The following BTC variants were observed in gnomAD, a reference collection of about 807,000 sequenced individuals.
The protein encoded by BTC is probetacellulin.
A neutral mutation model predicts 18.1 loss-of-function variants in BTC; 13 were observed. The ratio of observed to expected loss-of-function variants is 0.72; its 90% CI spans 0.47 to 1.14. The LOEUF (loss-of-function observed/expected upper bound fraction) is 1.14. Among genes scored for constraint, BTC ranks in the 50% most tolerant of loss-of-function variants. The pLI, the probability that BTC is intolerant of heterozygous loss-of-function variation, is 0.00. For synonymous variants in BTC, 83 were observed against 79.4 expected (o/e 1.05, Z -0.24); for missense variants, 247 against 224.2 (o/e 1.10, Z -0.65).
chr4:74,783,700 A>T (rs1417133502), intron 1 of BTC, among the ~76,000 whole-genome samples: 1 of 150,968 alleles, frequency 6.6e-6, no homozygotes, highest in African/African-American at 2.4e-5. Context: ...TATAAATTAC[A>T]CTGGGCAGCA....
chr4:74,753,463 A>G (rs1380158967), intron 3 of BTC, among the ~76,000 whole-genome samples: 1 of 152,246 alleles, frequency 6.6e-6, no homozygotes, highest in Non-Finnish European at 1.5e-5. Flanking sequence ...TGCTGCATGT[A>G]TAAATAAAAA....
chr4:74,791,459 T>A (rs1012963540), intron 1 of BTC, among the ~76,000 whole-genome samples: 3 of 152,250 alleles, frequency 2.0e-5, no homozygotes, highest in Non-Finnish European at 4.4e-5. Context: ...TTCTACTGAC[T>A]TAGAAAATGC....
chr4:74,750,330 T>G, intron 4 of BTC, among the ~76,000 whole-genome samples: 1 of 152,194 alleles, frequency 6.6e-6, no homozygotes, highest in East Asian at 1.9e-4. Flanking sequence ...AATAGAAGTC[T>G]TATGTAGCCT....
intron 1 of BTC, among the ~76,000 whole-genome samples, chr4:74,774,534 A>G (rs907967619): frequency 6.6e-6 from 1 of 152,178 alleles, no homozygotes; most frequent in African/African-American, 2.4e-5. Flanking sequence ...TTTATTAAAA[A>G]CATAACTGAT....
At chr4:74,779,500 G>A (rs974533982) in intron 1 of BTC, among the ~76,000 whole-genome samples, 11 of 152,096 alleles carry the variant, frequency 7.2e-5, no homozygotes, top group Admixed American at 7.2e-4. Flanking sequence ...GCCAAACCAG[G>A]CAGTTAGGCA....
At chr4:74,776,748 G>A (rs935817937) in intron 1 of BTC, among the ~76,000 whole-genome samples, 26 of 152,254 alleles carry the variant, frequency 1.7e-4, no homozygotes, top group East Asian at 3.9e-4. Context: ...AGTCATGTGC[G>A]TTGTATTTGC....
chr4:74,749,679 G>GTTT (rs368443449), intron 4 of BTC, among the ~76,000 whole-genome samples: 1,204 of 77,306 alleles, frequency 0.016, 18 homozygotes, highest in African/African-American at 0.04. Context: ...TAATAAGATA[G>GTTT]TTTTTTTTGT....
At chr4:74,771,980 A>C (rs1033556480) in intron 1 of BTC, among the ~76,000 whole-genome samples, 1 of 152,248 alleles carries the variant, frequency 6.6e-6, no homozygotes, top group Non-Finnish European at 1.5e-5. Flanking sequence ...CCATTAAAAG[A>C]TGATATTCAA....
intron 1 of BTC, among the ~76,000 whole-genome samples, chr4:74,771,601 C>A (rs6532432): frequency 0.17 from 25,137 of 152,094 alleles, 3,249 homozygotes; most frequent in African/African-American, 0.37. Context: ...TCAAAAGGGT[C>A]TTTTGAAAGA....
At chr4:74,759,989 C>T (rs1724707221) in intron 2 of BTC, among the ~76,000 whole-genome samples, 2 of 152,140 alleles carry the variant, frequency 1.3e-5, no homozygotes, top group African/African-American at 4.8e-5. Flanking sequence ...ATTGTGATGC[C>T]TTTGTGACTA....
intron 1 of BTC, among the ~76,000 whole-genome samples, chr4:74,791,167 C>A (rs931936404): frequency 2.1e-5 from 3 of 144,502 alleles, no homozygotes; most frequent in Non-Finnish European, 4.4e-5. Flanking sequence ...CATGCCAAAA[C>A]CCCGTCTCTT....
At position 74,794,127 on chromosome 4, in the gene BTC, A is replaced by G. The variant is rs181771590; in HGVS notation, c.64+135T>C. The G allele has an allele frequency of 6.7e-3, 7,695 of 1,156,334 alleles. 43 individuals are homozygous for G. The highest frequency in any genetic ancestry group is 8.2e-3 in the Non-Finnish European group (6,613 of 808,444). 71.6% of individuals were successfully genotyped at this position (1,156,334 alleles called of 1,614,324 possible). ...TAACCTCGCGCTCTCCCAGCCTTCA[A>G]AGTTCTCCAACCCGCGCCTGCCAGC... On this transcript the variant is annotated intron_variant, in intron 1 of 5. Coordinates refer to ENST00000395743, the MANE Select transcript of BTC (RefSeq NM_001729.4).
At position 74,748,164 on chromosome 4, in the gene BTC, G is replaced by C. The variant is rs782316520; in HGVS notation, c.429-15C>G. ...TCCGAAGAGGGCTTGGAAAATACGT[G>C]TTAGAAGTTAGTATGGGCCTAGTAG... On this transcript the variant is annotated splice_polypyrimidine_tract_variant and intron_variant, in intron 4 of 5. Transcript: ENST00000395743. The C allele has an allele frequency of 6.6e-7, 1 of 1,505,564 alleles. No homozygotes were observed. Among genetic ancestry groups the C allele is most frequent in the South Asian group, 1.1e-5 (1 of 88,094 alleles). The allele number at this position is 1,505,564 out of a possible 1,614,324, so 93.3% of individuals were successfully genotyped here.
intron 2 of BTC, among the ~76,000 whole-genome samples, chr4:74,760,804 G>C (rs1553957229): frequency 6.7e-6 from 1 of 150,066 alleles, no homozygotes. Context: ...GCACAATCTC[G>C]GCTCACTGCA....
chr4:74,794,393 C>T lies in BTC; in HGVS notation c.-68G>A. ...CCTCCTTCTTCGCCCCCTTCCCGGG[C>T]CTCGGGCGCCTGAGAGGGTGCCTGG... On this transcript the variant is annotated 5_prime_UTR_variant, in exon 1 of 6. Transcript: ENST00000395743. 7.0e-7 allele frequency: 1 copy of T among 1,435,810 alleles called. No homozygotes were observed. The highest frequency in any genetic ancestry group is 9.2e-7 in the Non-Finnish European group (1 of 1,092,404). The allele number at this position is 1,435,810 out of a possible 1,614,324, so 88.9% of individuals were successfully genotyped here. A position where few individuals can be genotyped will look rare whatever the true frequency, so the allele number is the denominator to read the frequency against.
Position 74,766,432 on chromosome 4 carries a change from T to C in BTC, c.163+3626A>G, listed in dbSNP as rs183402375. On this transcript the variant is annotated intron_variant, in intron 2 of 5. Transcript: ENST00000395743. ...TTTCTTTGTATCTTATTCTATAAGCTTTTTCTATTTTTTGTACTTTTAAAA... is the reference window on the plus strand; with the variant it reads ...TTTCTTTGTATCTTATTCTATAAGCCTTTTCTATTTTTTGTACTTTTAAAA... Among the ~76,000 whole-genome samples the C allele has an allele frequency of 1.3e-4, 20 of 152,210 alleles. 1 individual carries two copies. In the East Asian group the frequency reaches 3.7e-3, roughly 28 times the overall value.
At chr4:74,791,977 A>G (rs1053438339) in intron 1 of BTC, among the ~76,000 whole-genome samples, 28 of 136,000 alleles carry the variant, frequency 2.1e-4, no homozygotes, top group African/African-American at 8.9e-4. Flanking sequence ...TCTCACACAC[A>G]CACACACACA....
rs1724283452 is a variant in BTC, at chr4:74,746,201, C to T, written c.*476G>A. 6.6e-6 allele frequency: 1 copy of T among 152,200 alleles called. No individual in the cohort carries two copies. The highest frequency in any genetic ancestry group is 1.5e-5 in the Non-Finnish European group (1 of 68,022). 9.4% of individuals were successfully genotyped at this position (152,200 alleles called of 1,614,324 possible). On this transcript the variant is annotated 3_prime_UTR_variant, in exon 6 of 6. Transcript: ENST00000395743. ...TCTAAATCTGGATTAGATTATTTGACTTGACTTCTTTGGCCCTGTTTCCAT... is the reference window on the plus strand; with the variant it reads ...TCTAAATCTGGATTAGATTATTTGATTTGACTTCTTTGGCCCTGTTTCCAT...
Position 74,781,377 on chromosome 4 carries a change from C to T in BTC, c.65-11221G>A, listed in dbSNP as rs979971367. On this transcript the variant is annotated intron_variant, in intron 1 of 5. Transcript: ENST00000395743. ...CATCCACAACCCCAATTTCTATTCT[C>T]TCGTCACGTGTGTGTGTGTGTGTGT... Among the ~76,000 whole-genome samples, 3 of 133,432 alleles carry T rather than the reference C, an allele frequency of 2.2e-5. No homozygotes were observed. The South Asian group carries it at 7.3e-4, about 32-fold the overall frequency. The allele number at this position is 133,432 out of a possible 152,430, so 87.5% of individuals were successfully genotyped here.
Sources: gnomAD v4.1 joint callset for allele counts (sites outside exome capture counted in the v4.1 genomes callset) on GRCh38, gnomAD v4.1.1 for gene constraint, MANE v1.5 for transcripts, NCBI Gene and HGNC (gene_info 2026-07-23, HGNC 2026-07-21) for gene names.